Variants in MYO16 observed in about 807,000 individuals in gnomAD.
MYO16 encodes the protein unconventional myosin-XVI.
In MYO16, 94 loss-of-function variants were observed where a neutral mutation model predicts 205.3. The observed-to-expected ratio is 0.46, with a 90% CI of 0.39 to 0.54. The LOEUF (loss-of-function observed/expected upper bound fraction) is 0.54. Among genes scored for constraint, MYO16 ranks in the 20% least tolerant of loss-of-function variants. MYO16 has a pLI of 0.00. For missense variants in MYO16, 2,315 were observed against 2,387.5 expected (o/e 0.97, Z 0.63); for synonymous variants, 988 against 954.0 (o/e 1.04, Z -0.66).
chr13:109,205,585 AT>A lies in MYO16; in HGVS notation c.5416-1014del, dbSNP rs537828960. Reference sequence around the variant, plus strand: ...TTCCTATTCGGATTTCCAGAATCTCATTTTTTTTTTAAACCAGTATACTTCC... The same window carrying A: ...TTCCTATTCGGATTTCCAGAATCTCATTTTTTTTTAAACCAGTATACTTCC... On this transcript the variant is annotated intron_variant, in intron 34 of 34. Coordinates refer to ENST00000457511, the MANE Select transcript of MYO16 (RefSeq NM_001198950.3). Among the ~76,000 whole-genome samples the A allele has an allele frequency of 2.5e-3, 372 of 150,610 alleles. 5 individuals carry two copies. The highest frequency in any genetic ancestry group is 8.4e-3 in the African/African-American group (347 of 41,090).
At chr13:108,510,525 A>C in the MYO16 span, among the ~76,000 whole-genome samples, 3 of 86,238 alleles carry the variant, frequency 3.5e-5, no homozygotes, top group Non-Finnish European at 6.3e-5. Flanking sequence ...CACATTGTGC[A>C]GGTTAGTTAC....
At chr13:109,044,184 T>C (rs1886968501) in intron 23 of MYO16, among the ~76,000 whole-genome samples, 1 of 152,178 alleles carries the variant, frequency 6.6e-6, no homozygotes, top group Admixed American at 6.5e-5. Context: ...GCTACTTAAA[T>C]GCTAAGCCCT....
At chr13:108,929,232 A>C (rs1401354707) in intron 16 of MYO16, among the ~76,000 whole-genome samples, 1 of 152,216 alleles carries the variant, frequency 6.6e-6, no homozygotes, top group Non-Finnish European at 1.5e-5. Flanking sequence ...AGAATACAAA[A>C]TTGTTTAAAC....
At chr13:108,549,621 T>C in the MYO16 span, among the ~76,000 whole-genome samples, 1 of 151,998 alleles carries the variant, frequency 6.6e-6, no homozygotes, top group African/African-American at 2.4e-5. Context: ...TTAGATTTTA[T>C]GTTAAATGCA....
At chr13:108,646,044 ACT>A (rs1566526003) in intron 1 of MYO16, among the ~76,000 whole-genome samples, 1 of 152,148 alleles carries the variant, frequency 6.6e-6, no homozygotes, top group Non-Finnish European at 1.5e-5. Context: ...TTTCAGGCTG[ACT>A]GTAGGTGACC....
At chr13:108,505,044 C>T in the MYO16 span, among the ~76,000 whole-genome samples, 1 of 152,136 alleles carries the variant, frequency 6.6e-6, no homozygotes, top group East Asian at 1.9e-4. Flanking sequence ...ACATTTTCTT[C>T]ATCCACTTGT....
At chr13:109,094,041 A>G (rs1014896829) in intron 27 of MYO16, among the ~76,000 whole-genome samples, 5 of 151,354 alleles carry the variant, frequency 3.3e-5, no homozygotes, top group African/African-American at 1.2e-4. Flanking sequence ...CTCCAGCCAC[A>G]CTCGACTCCT....
At chr13:109,206,380 C>T (rs1594187211) in intron 34 of MYO16, among the ~76,000 whole-genome samples, 1 of 152,160 alleles carries the variant, frequency 6.6e-6, no homozygotes, top group Non-Finnish European at 1.5e-5. Context: ...CACCTTAACA[C>T]TCTACCTAGT....
rs1402103362 is a variant in MYO16 at position 108,811,546 on chromosome 13, A to AG, written c.867+4742_867+4743insG. Among the ~76,000 whole-genome samples, 46 of 8,944 alleles carry AG rather than the reference A, an allele frequency of 5.1e-3. No homozygotes were observed. In the Non-Finnish European group the frequency reaches 0.34, roughly 67 times the overall value. 5.9% of individuals were successfully genotyped at this position (8,944 alleles called of 152,430 possible). A position where few individuals can be genotyped will look rare whatever the true frequency, so the allele number is the denominator to read the frequency against. On this transcript the variant is annotated intron_variant, in intron 7 of 34. Coordinates refer to ENST00000457511, the MANE Select transcript of MYO16 (RefSeq NM_001198950.3). The stretch of plus-strand genomic sequence containing the variant: ...TTCTGTCCTCTAACACCACCTGTTT[A>AG]AAAAAAAAAAAACCATCATCTTCTC...
chr13:108,993,511 C>G (rs1396672678), intron 21 of MYO16, among the ~76,000 whole-genome samples: 2 of 152,116 alleles, frequency 1.3e-5, no homozygotes, highest in African/African-American at 4.8e-5. Context: ...TCTGCATCAT[C>G]CTGTGTTTAG....
chr13:108,910,465 G>T (rs1234131996), intron 16 of MYO16, among the ~76,000 whole-genome samples: 2 of 152,192 alleles, frequency 1.3e-5, no homozygotes, highest in Non-Finnish European at 2.9e-5. Context: ...CCATGGCCCT[G>T]TTTTGAGATA....
intron 2 of MYO16, among the ~76,000 whole-genome samples, chr13:108,712,186 A>T (rs1467215030): frequency 6.6e-6 from 1 of 152,200 alleles, no homozygotes; most frequent in Non-Finnish European, 1.5e-5. Context: ...CTTTGTGAGA[A>T]TGGTGGAAAC....
At chr13:108,809,056 AAC>A (rs945350842) in intron 7 of MYO16, among the ~76,000 whole-genome samples, 5 of 152,224 alleles carry the variant, frequency 3.3e-5, no homozygotes, top group Non-Finnish European at 5.9e-5. Context: ...AAATTAGAGA[AAC>A]ACAGTCATGA....
intron 34 of MYO16, among the ~76,000 whole-genome samples, chr13:109,183,428 A>G (rs1341443907): frequency 6.6e-6 from 1 of 152,256 alleles, no homozygotes. Flanking sequence ...CGCAGAAACA[A>G]AAATGCTTGG....
intron 1 of MYO16, among the ~76,000 whole-genome samples, chr13:108,653,940 A>G (rs1222074790): frequency 6.6e-6 from 1 of 152,188 alleles, no homozygotes; most frequent in Admixed American, 6.5e-5. Flanking sequence ...TAGAACAGAA[A>G]AGAGCAGAAA....
At chr13:109,033,848 G>A (rs1342091104) in intron 23 of MYO16, among the ~76,000 whole-genome samples, 1 of 152,086 alleles carries the variant, frequency 6.6e-6, no homozygotes, top group Non-Finnish European at 1.5e-5. Flanking sequence ...TATGAAAAGT[G>A]GGCTGCAAGA....
In MYO16 at chr13:108,967,076, C is replaced by T. The variant is rs368667197; in HGVS notation, c.2369+2174C>T. 1.1e-3 allele frequency among the ~76,000 whole-genome samples: 166 copies of T among 151,588 alleles called. 3 individuals carry two copies. The South Asian group carries it at 0.034, about 31-fold the overall frequency. On this transcript the variant is annotated intron_variant, in intron 20 of 34. Transcript: ENST00000457511. ...TATATATATACACACAGTAAATATA[C>T]CTTGCGATAGAATAGACATACTTTT...
chr13:108,875,472 C>G (rs1879280245), intron 12 of MYO16, among the ~76,000 whole-genome samples: 1 of 152,082 alleles, frequency 6.6e-6, no homozygotes, highest in Non-Finnish European at 1.5e-5. Context: ...GAATTGGCAT[C>G]AGGTAATGTG....
chr13:108,823,045 T>C (rs1165597654), intron 8 of MYO16, 80 bp from the exon 9 acceptor site: 9 of 1,306,620 alleles, frequency 6.9e-6, no homozygotes, highest in Non-Finnish European at 6.3e-6. Context: ...TTTAAGCATA[T>C]CGGAATTATT....
Sources: allele counts gnomAD v4.1 joint callset (sites outside exome capture counted in the v4.1 genomes callset), GRCh38; gene constraint gnomAD v4.1.1; transcripts MANE v1.5; gene names NCBI Gene and HGNC (gene_info 2026-07-23, HGNC 2026-07-21).